The following MYO9A variants were observed in gnomAD, a reference collection of about 807,000 sequenced individuals.
MYO9A encodes myosin IXA, also known as unconventional myosin-IXa.
In MYO9A, 103 loss-of-function variants were observed where a neutral mutation model predicts 293.3. The ratio of observed to expected loss-of-function variants is 0.35; its 90% CI spans 0.30 to 0.41. The LOEUF is 0.41. Among genes scored for constraint, MYO9A ranks in the 10% least tolerant of loss-of-function variants. The probability of loss-of-function intolerance (pLI) is 1.00; values close to 1 mark genes in which losing one functional copy is unlikely to be tolerated. For synonymous variants in MYO9A, 1,001 were observed against 1,035.7 expected (o/e 0.97, Z 0.64); for missense variants, 2,685 against 3,033.0 (o/e 0.89, Z 2.69).
chr15:72,058,137 C>CA (rs2078773333), intron 1 of MYO9A, among the ~76,000 whole-genome samples: 1 of 152,192 alleles, frequency 6.6e-6, no homozygotes, highest in Admixed American at 6.5e-5. Flanking sequence ...GCAGTACCCC[C>CA]TGACATTCAA....
At chr15:72,080,570 T>C (rs995462290) in intron 1 of MYO9A, among the ~76,000 whole-genome samples, 11 of 151,936 alleles carry the variant, frequency 7.2e-5, no homozygotes, top group Admixed American at 1.3e-4. Context: ...ACTTAAAAAA[T>C]GTAAAAAGTG....
At chr15:71,881,037 C>G (rs962668876) in intron 28 of MYO9A, among the ~76,000 whole-genome samples, 1 of 152,066 alleles carries the variant, frequency 6.6e-6, no homozygotes, top group Non-Finnish European at 1.5e-5. Flanking sequence ...TTACTACAGT[C>G]TAAAGTCCTG....
At chr15:72,071,408 G>T (rs2079186327) in intron 1 of MYO9A, among the ~76,000 whole-genome samples, 1 of 152,192 alleles carries the variant, frequency 6.6e-6, no homozygotes, top group East Asian at 1.9e-4. Context: ...ATGTTGGCAA[G>T]TATGTGGAAC....
intron 6 of MYO9A, among the ~76,000 whole-genome samples, chr15:72,012,943 G>A (rs2077217183): frequency 6.6e-6 from 1 of 152,178 alleles, no homozygotes; most frequent in Non-Finnish European, 1.5e-5. Flanking sequence ...AGTGGTCTCA[G>A]TGAATATCAA....
At chr15:71,871,403 A>G (rs1196929680) in intron 32 of MYO9A, among the ~76,000 whole-genome samples, 1 of 151,908 alleles carries the variant, frequency 6.6e-6, no homozygotes, top group Non-Finnish European at 1.5e-5. Flanking sequence ...AATGTACTGG[A>G]AAAAAGGTAT....
At chr15:72,113,287 T>C (rs950694476) in intron 1 of MYO9A, among the ~76,000 whole-genome samples, 5 of 152,100 alleles carry the variant, frequency 3.3e-5, no homozygotes, top group African/African-American at 1.2e-4. Flanking sequence ...GAAATCTTCC[T>C]GAAGAATATA....
chr15:72,025,960 C>T (rs900775929), intron 4 of MYO9A, among the ~76,000 whole-genome samples: 1 of 152,050 alleles, frequency 6.6e-6, no homozygotes, highest in African/African-American at 2.4e-5. Flanking sequence ...ACAACTACTC[C>T]AAACACTTTG....
intron 32 of MYO9A, among the ~76,000 whole-genome samples, chr15:71,868,008 A>C (rs927358583): frequency 6.6e-6 from 1 of 152,172 alleles, no homozygotes; most frequent in African/African-American, 2.4e-5. Flanking sequence ...CAGTGGCTTA[A>C]AACAACACCT....
At chr15:72,002,251 T>TC (rs1433880143) in intron 8 of MYO9A, among the ~76,000 whole-genome samples, 13 of 151,686 alleles carry the variant, frequency 8.6e-5, no homozygotes, top group Non-Finnish European at 1.6e-4. Flanking sequence ...AGCTAATTTT[T>TC]TTTTTTTTTT....
At chr15:71,859,569 A>G (rs1216570640) in intron 34 of MYO9A, among the ~76,000 whole-genome samples, 166 bp downstream of exon 34, 1 of 152,224 alleles carries the variant, frequency 6.6e-6, no homozygotes, top group Non-Finnish European at 1.5e-5. Context: ...ATCACCAAAC[A>G]TATGAACTGG....
chr15:71,852,969 C>A (rs1010477025), intron 35 of MYO9A, among the ~76,000 whole-genome samples: 1 of 152,120 alleles, frequency 6.6e-6, no homozygotes, highest in Non-Finnish European at 1.5e-5. Flanking sequence ...TGGTGGCACA[C>A]GCCTATAATC....
chr15:72,076,235 G>A (rs868777906), intron 1 of MYO9A, among the ~76,000 whole-genome samples: 2 of 150,784 alleles, frequency 1.3e-5, no homozygotes, highest in African/African-American at 2.4e-5. Context: ...AACCTGGGAG[G>A]AAGAGGTTGC....
At chr15:71,981,190 T>C (rs2076261795) in intron 11 of MYO9A, among the ~76,000 whole-genome samples, 1 of 152,244 alleles carries the variant, frequency 6.6e-6, no homozygotes, top group African/African-American at 2.4e-5. Flanking sequence ...ATTTTATTAA[T>C]GTTTGTTTAG....
chr15:71,861,871 C>T (rs1487518750), intron 33 of MYO9A, among the ~76,000 whole-genome samples: 1 of 152,082 alleles, frequency 6.6e-6, no homozygotes, highest in African/African-American at 2.4e-5. Flanking sequence ...CAGTGGCTCA[C>T]GCCTGTAATC....
At chr15:71,961,577 A>C (rs1440371507) in intron 13 of MYO9A, among the ~76,000 whole-genome samples, 1 of 152,240 alleles carries the variant, frequency 6.6e-6, no homozygotes, top group East Asian at 1.9e-4. Flanking sequence ...ATAGATGAGA[A>C]AACTGAATCA....
At chr15:72,116,770 A>C (rs1488238824) in intron 1 of MYO9A, 2 of 152,254 alleles carry the variant, frequency 1.3e-5, no homozygotes, top group African/African-American at 4.8e-5. Context: ...ATCCTTACAG[A>C]GGTCCCTAAA....
chr15:72,078,446 C>G (rs935156212), intron 1 of MYO9A, among the ~76,000 whole-genome samples: 1 of 152,112 alleles, frequency 6.6e-6, no homozygotes, highest in Non-Finnish European at 1.5e-5. Context: ...GAGCCCAGAT[C>G]ATACCACTGC....
At chr15:72,116,357 G>A (rs1231250189) in intron 1 of MYO9A, among the ~76,000 whole-genome samples, 1 of 152,026 alleles carries the variant, frequency 6.6e-6, no homozygotes, top group Middle Eastern at 3.2e-3. Context: ...TTAAAATTAC[G>A]TACTGATCAT....
chr15:71,977,870 T>C (rs1220736846), intron 12 of MYO9A, among the ~76,000 whole-genome samples: 1 of 151,970 alleles, frequency 6.6e-6, no homozygotes, highest in Admixed American at 6.6e-5. Context: ...ACCCCGTCTG[T>C]ACTAAAAATA....
Sources: allele counts gnomAD v4.1 joint callset (sites outside exome capture counted in the v4.1 genomes callset), GRCh38; gene constraint gnomAD v4.1.1; transcripts MANE v1.5; gene names NCBI Gene and HGNC (gene_info 2026-07-23, HGNC 2026-07-21).